The following NEGR1 variants were observed in gnomAD, a reference collection of about 807,000 sequenced individuals.
The protein encoded by NEGR1 is neuronal growth regulator 1, also known as IgLON family member 4.
In NEGR1, 10 loss-of-function variants were observed where a neutral mutation model predicts 40.9. That is an observed-to-expected ratio of 0.24 (90% CI 0.15 to 0.42). The LOEUF (loss-of-function observed/expected upper bound fraction) is 0.42, where lower values mean the gene tolerates loss of function less well. Ranked by LOEUF, NEGR1 falls within the 10% of genes least tolerant of loss-of-function variation. The pLI is 1.00. For missense variants in NEGR1, 352 were observed against 438.9 expected, an observed-to-expected ratio of 0.80 and a Z score of 1.77; for synonymous variants, 185 against 166.8, an observed-to-expected ratio of 1.11 and a Z score of -0.84.
intron 1 of NEGR1, among the ~76,000 whole-genome samples, chr1:72,013,549 ATC>A (rs1326935996): frequency 1.3e-5 from 2 of 152,126 alleles, no homozygotes; most frequent in Non-Finnish European, 2.9e-5. Flanking sequence ...CACAATTAAA[ATC>A]TAAATATAAT....
intron 2 of NEGR1, among the ~76,000 whole-genome samples, chr1:71,897,933 A>G (rs756377628): frequency 2.6e-5 from 4 of 152,166 alleles, no homozygotes; most frequent in Non-Finnish European, 4.4e-5. Context: ...ATTATTTCCA[A>G]CTTAGAAATT....
chr1:71,560,959 C>T (rs1261105340), intron 6 of NEGR1, among the ~76,000 whole-genome samples: 2 of 151,530 alleles, frequency 1.3e-5, no homozygotes, highest in Admixed American at 6.6e-5. Flanking sequence ...TTCATACTTG[C>T]TTATGAATTT....
intron 1 of NEGR1, among the ~76,000 whole-genome samples, chr1:72,234,539 G>T (rs1270053394): frequency 2.6e-5 from 4 of 151,904 alleles, no homozygotes; most frequent in Admixed American, 2.6e-4. Context: ...ATCTGACAAA[G>T]GTCTAATATC....
At chr1:72,122,713 C>A (rs543011852) in intron 1 of NEGR1, among the ~76,000 whole-genome samples, 1 of 151,732 alleles carries the variant, frequency 6.6e-6, no homozygotes, top group Admixed American at 6.6e-5. Context: ...GTGGTTAACT[C>A]CCATGGTAGC....
intron 1 of NEGR1, among the ~76,000 whole-genome samples, chr1:72,274,232 T>G (rs1286586913): frequency 6.6e-6 from 1 of 152,068 alleles, no homozygotes; most frequent in Non-Finnish European, 1.5e-5. Context: ...ACATACAGGC[T>G]TTCTCCAAAT....
chr1:71,928,239 T>C lies in NEGR1; in HGVS notation c.409+6840A>G, dbSNP rs529631641. Among the ~76,000 whole-genome samples the C allele has an allele frequency of 3.7e-5, 5 of 134,192 alleles. No individual in the cohort carries two copies. In the East Asian group the frequency reaches 1.1e-3, roughly 29 times the overall value. 88.0% of individuals were successfully genotyped at this position (134,192 alleles called of 152,430 possible). ...ACACATATGTATATACGTATATATG[T>C]ATATATACACACATATGTATATACG... On this transcript the variant is annotated intron_variant, in intron 2 of 6. Transcript: ENST00000357731.
chr1:71,954,935 C>T (rs1004015364), intron 1 of NEGR1, among the ~76,000 whole-genome samples: 1 of 151,946 alleles, frequency 6.6e-6, no homozygotes, highest in Admixed American at 6.6e-5. Context: ...ATAAAATATG[C>T]AAAAGTAATT....
chr1:72,193,166 G>A (rs2100432549), intron 1 of NEGR1, among the ~76,000 whole-genome samples: 1 of 151,870 alleles, frequency 6.6e-6, no homozygotes, highest in East Asian at 1.9e-4. Flanking sequence ...AGATTTTGCA[G>A]ATGATTGAAT....
chr1:72,274,737 G>A (rs180927063), intron 1 of NEGR1: 11 of 1,102,838 alleles, frequency 1.0e-5, no homozygotes, highest in South Asian at 9.9e-5. Flanking sequence ...GAGTAAAATC[G>A]GAAGGAGAAA....
chr1:71,500,233 A>G (rs533203788), intron 6 of NEGR1, among the ~76,000 whole-genome samples: 14 of 152,156 alleles, frequency 9.2e-5, no homozygotes, highest in African/African-American at 2.9e-4. Flanking sequence ...CTTGGTTTAA[A>G]TAAGTTTTTT....
intron 3 of NEGR1, among the ~76,000 whole-genome samples, chr1:71,726,770 AGTCCC>A (rs1654690146): frequency 3.3e-5 from 5 of 152,102 alleles, no homozygotes; most frequent in Admixed American, 3.3e-4. Context: ...AATAGGATGA[AGTCCC>A]CATCCCATGT....
At chr1:71,837,327 C>T (rs1439096147) in intron 2 of NEGR1, among the ~76,000 whole-genome samples, 1 of 152,110 alleles carries the variant, frequency 6.6e-6, no homozygotes. Flanking sequence ...ATTATTCCTA[C>T]TTTGCATATA....
chr1:71,454,273 TC>T (rs1646654249), intron 6 of NEGR1, among the ~76,000 whole-genome samples: 1 of 152,194 alleles, frequency 6.6e-6, no homozygotes, highest in Non-Finnish European at 1.5e-5. Flanking sequence ...TTTCTGCTTT[TC>T]TCCTTTTTAG....
chr1:71,657,265 C>T (rs1477399151), intron 4 of NEGR1, among the ~76,000 whole-genome samples: 6 of 152,140 alleles, frequency 3.9e-5, no homozygotes, highest in African/African-American at 1.2e-4. Context: ...GATTCTGTCT[C>T]GACCTTTAAA....
At chr1:71,421,242 TAGC>T in intron 6 of NEGR1, 1 of 152,068 alleles carries the variant, frequency 6.6e-6, no homozygotes, top group Non-Finnish European at 1.5e-5. Flanking sequence ...CTACAACATT[TAGC>T]TATATGTCTA....
intron 6 of NEGR1, among the ~76,000 whole-genome samples, chr1:71,507,198 A>G (rs1456372390): frequency 6.6e-6 from 1 of 152,228 alleles, no homozygotes. Context: ...TAAAGCTGCT[A>G]AGCAAGCCTC....
chr1:71,513,959 T>TGACG (rs1450495328), intron 6 of NEGR1, among the ~76,000 whole-genome samples: 2 of 136,576 alleles, frequency 1.5e-5, no homozygotes, highest in African/African-American at 5.6e-5. Flanking sequence ...AAGAAAGGGG[T>TGACG]GACGGACGCA....
intron 4 of NEGR1, among the ~76,000 whole-genome samples, chr1:71,691,503 T>C (rs919482587): frequency 6.6e-6 from 1 of 151,886 alleles, no homozygotes; most frequent in African/African-American, 2.4e-5. Flanking sequence ...CTCACTATTA[T>C]CGTTTTAATC....
rs182282971 is a variant in NEGR1, at chr1:71,863,635, A to G, written c.409+71444T>C. Among the ~76,000 whole-genome samples the G allele has an allele frequency of 2.0e-5, 3 of 152,304 alleles. No individual in the cohort carries two copies. The East Asian group carries it at 5.8e-4, about 29-fold the overall frequency. On this transcript the variant is annotated intron_variant, in intron 2 of 6. Coordinates refer to ENST00000357731, the MANE Select transcript of NEGR1 (RefSeq NM_173808.3). ...TGAAGAAAAAGAAATATGTGAATAC[A>G]CAAGTAATTAGAAGCATTAATACTG...
Sources: allele counts gnomAD v4.1 joint callset (sites outside exome capture counted in the v4.1 genomes callset), GRCh38; gene constraint gnomAD v4.1.1; transcripts MANE v1.5; gene names NCBI Gene and HGNC (gene_info 2026-07-23, HGNC 2026-07-21).